Variants in UBE4B observed in about 807,000 individuals in gnomAD.
UBE4B encodes ubiquitin conjugation factor E4 B.
A neutral mutation model predicts 148.1 loss-of-function variants in UBE4B; 27 were observed. That is an observed-to-expected ratio of 0.18 (90% confidence interval 0.13 to 0.25). The LOEUF (loss-of-function observed/expected upper bound fraction) is 0.25, where lower values mean the gene tolerates loss of function less well. UBE4B is among the 10% of genes least tolerant of loss of function. The probability of loss-of-function intolerance (pLI) is 1.00; values close to 1 mark genes in which losing one functional copy is unlikely to be tolerated. For missense variants in UBE4B, 1,170 were observed against 1,662.4 expected, an observed-to-expected ratio of 0.70 and a Z score of 5.15; for synonymous variants, 596 against 619.3, an observed-to-expected ratio of 0.96 and a Z score of 0.56.
At chr1:10,136,920 C>CAAAT (rs372965293) in intron 16 of UBE4B, 147 bp from the exon 17 acceptor site, 14,391 of 972,428 alleles carry the variant, frequency 0.015, 158 homozygotes, top group Non-Finnish European at 0.018. Context: ...AAGTCCATCT[C>CAAAT]AAATAAATAA....
intron 7 of UBE4B, among the ~76,000 whole-genome samples, chr1:10,112,334 G>A (rs925986000): frequency 1.3e-5 from 2 of 152,200 alleles, no homozygotes; most frequent in Non-Finnish European, 2.9e-5. Context: ...AAAGCATCAT[G>A]AATTTTGTAC....
At chr1:10,074,243 TG>T (rs1207637796) in intron 2 of UBE4B, among the ~76,000 whole-genome samples, 1 of 152,136 alleles carries the variant, frequency 6.6e-6, no homozygotes, top group Non-Finnish European at 1.5e-5. Flanking sequence ...CTGCTGCTGT[TG>T]AAGCTTGGAC....
chr1:10,085,629 T>G (rs1644751993), intron 2 of UBE4B, among the ~76,000 whole-genome samples: 1 of 152,240 alleles, frequency 6.6e-6, no homozygotes, highest in Non-Finnish European at 1.5e-5. Flanking sequence ...TTTATAACTT[T>G]AATGCAACTG....
chr1:10,086,006 C>G (rs954586150), intron 2 of UBE4B, among the ~76,000 whole-genome samples: 1 of 151,798 alleles, frequency 6.6e-6, no homozygotes, highest in Non-Finnish European at 1.5e-5. Context: ...GAGTCTCGCT[C>G]TGTCTCCCAG....
chr1:10,131,547 A>G (rs1645593776), intron 14 of UBE4B, among the ~76,000 whole-genome samples: 1 of 151,762 alleles, frequency 6.6e-6, no homozygotes, highest in African/African-American at 2.4e-5. Context: ...TGATCATGGG[A>G]AAGAAGTAAC....
At position 10,135,066 on chromosome 1, in the gene UBE4B, A is replaced by C; in HGVS notation, c.2104A>C (p.Lys702Gln). Reference sequence around the variant, plus strand: ...ACTGCAGCAGCTAAGTACAAAAATCAAGTTAGAAACAGTTGATCCCACGTA... The same window carrying C: ...ACTGCAGCAGCTAAGTACAAAAATCCAGTTAGAAACAGTTGATCCCACGTA... ...WVLQQLSTKI[K>Q]LETVDPTYIF... is the part of the protein sequence containing the mutation. The change falls in exon 16 of 28, where the codon AAG (lysine) becomes CAG (glutamine). Residue 702 changes from lysine to glutamine, a missense_variant. Lys to Gln is a moderately conservative substitution (Grantham distance 53). Around this residue, in one of 6 missense-constraint regions of UBE4B, gnomAD observed 388 missense variants for 536.0 expected, o/e 0.72. Coordinates refer to ENST00000343090, the MANE Select transcript of UBE4B (RefSeq NM_001105562.3). The C allele has an allele frequency of 1.2e-6, 2 of 1,614,192 alleles. No homozygotes were observed. Among genetic ancestry groups the C allele is most frequent in the Non-Finnish European group, 1.7e-6 (2 of 1,180,036 alleles).
At chr1:10,059,602 G>A (rs1390805146) in intron 1 of UBE4B, 5 of 203,930 alleles carry the variant, frequency 2.5e-5, no homozygotes, top group African/African-American at 9.3e-5. Flanking sequence ...CCCAGGAGAC[G>A]AAGAGGCTGT....
At chr1:10,064,868 A>G (rs535129355) in intron 1 of UBE4B, among the ~76,000 whole-genome samples, 18 of 151,808 alleles carry the variant, frequency 1.2e-4, no homozygotes, top group Admixed American at 8.5e-4. Context: ...GGTTCAAGCA[A>G]TTCTCCTGCC....
chr1:10,096,067 G>C (rs1644924322), intron 3 of UBE4B, among the ~76,000 whole-genome samples: 1 of 152,108 alleles, frequency 6.6e-6, no homozygotes, highest in Non-Finnish European at 1.5e-5. Flanking sequence ...CACTGTGCGT[G>C]GCCCACTATA....
In UBE4B at chr1:10,161,682, C is replaced by G. The variant is rs943155018; in HGVS notation, c.3198+396C>G. On this transcript the variant is annotated intron_variant, in intron 23 of 27. Coordinates refer to ENST00000343090, the MANE Select transcript of UBE4B (RefSeq NM_001105562.3). This position sits in a 1 kb window ranked among gnomAD's most constrained non-coding sequence, Gnocchi z 4.1. ...TCTCTAGGCAACTGTGTGAATCACT[C>G]AGGATCCTGGCGGGGTGTTTTTTCC... is the stretch of plus-strand genomic sequence containing the variant. Among the ~76,000 whole-genome samples, 1 of 152,156 alleles carries G rather than the reference C, an allele frequency of 6.6e-6. No homozygotes were observed. Among genetic ancestry groups the G allele is most frequent in the Non-Finnish European group, 1.5e-5 (1 of 68,032 alleles).
intron 23 of UBE4B, among the ~76,000 whole-genome samples, chr1:10,165,287 A>G (rs868053416): frequency 4.6e-5 from 7 of 151,980 alleles, no homozygotes; most frequent in Non-Finnish European, 1.0e-4. Flanking sequence ...GTTGCTCTTG[A>G]TTTCTCTGCG....
chr1:10,058,156 T>G (rs947168947), intron 1 of UBE4B, among the ~76,000 whole-genome samples: 1 of 152,216 alleles, frequency 6.6e-6, no homozygotes, highest in African/African-American at 2.4e-5. Context: ...CTAGATACTT[T>G]AGGGTTTTGA....
chr1:10,167,131 C>CA (rs920967992), intron 23 of UBE4B, among the ~76,000 whole-genome samples: 20 of 145,740 alleles, frequency 1.4e-4, no homozygotes, highest in South Asian at 8.7e-4. Flanking sequence ...GACTCCATCT[C>CA]AAAAAAAAAT....
At chr1:10,172,694 G>T (rs779483619) in intron 25 of UBE4B, among the ~76,000 whole-genome samples, 1 of 152,052 alleles carries the variant, frequency 6.6e-6, no homozygotes, top group Non-Finnish European at 1.5e-5. Flanking sequence ...AAGCATTGTA[G>T]GTACTTTTTT....
chr1:10,142,628 G>A lies in UBE4B; in HGVS notation c.2364-2312G>A, dbSNP rs140250968. On this transcript the variant is annotated intron_variant, in intron 17 of 27. Coordinates refer to ENST00000343090, the MANE Select transcript of UBE4B (RefSeq NM_001105562.3). ...GGAGGTTGCAGTGAGCTGAGATTGCGCCACTGCACTCCAGCCTGGGAGACA... is the reference window on the plus strand; with the variant it reads ...GGAGGTTGCAGTGAGCTGAGATTGCACCACTGCACTCCAGCCTGGGAGACA... Among the ~76,000 whole-genome samples, 50 of 152,114 alleles carry A rather than the reference G, an allele frequency of 3.3e-4. 1 individual carries two copies. In the East Asian group the frequency reaches 7.5e-3, roughly 23 times the overall value.
At chr1:10,069,546 T>C (rs1252623572) in intron 1 of UBE4B, among the ~76,000 whole-genome samples, 1 of 152,166 alleles carries the variant, frequency 6.6e-6, no homozygotes, top group Non-Finnish European at 1.5e-5. Flanking sequence ...TTTTTTCTTA[T>C]TTTTTTGAGA....
At chr1:10,114,730 G>A (rs1282535482) in intron 7 of UBE4B, among the ~76,000 whole-genome samples, 1 of 152,102 alleles carries the variant, frequency 6.6e-6, no homozygotes, top group East Asian at 1.9e-4. Flanking sequence ...TGTACATGGT[G>A]GCGAGCGCCT....
At position 10,072,568 on chromosome 1, in the gene UBE4B, A is replaced by G. The variant is rs1205802838; in HGVS notation, c.211+354A>G. On this transcript the variant is annotated intron_variant, in intron 2 of 27. Coordinates refer to ENST00000343090, the MANE Select transcript of UBE4B (RefSeq NM_001105562.3). ...TAATCTGAAAATGCAAGATTAAAAT[A>G]ATGGTCAAAATGAACACCTCTAATT... The G allele has an allele frequency of 8.6e-6, 6 of 694,418 alleles. No individual in the cohort carries two copies. In the African/African-American group the frequency reaches 9.0e-5, roughly 10 times the overall value. The allele number at this position is 694,418 out of a possible 1,614,324, so 43.0% of individuals were successfully genotyped here.
chr1:10,120,144 G>T (rs1350766093), intron 9 of UBE4B, among the ~76,000 whole-genome samples: 2 of 152,058 alleles, frequency 1.3e-5, no homozygotes, highest in Non-Finnish European at 2.9e-5. Context: ...TTGCCTCTCA[G>T]TCTTCTAAAG....
Sources: allele counts gnomAD v4.1 joint callset (sites outside exome capture counted in the v4.1 genomes callset), GRCh38; gene constraint gnomAD v4.1.1; regional missense constraint gnomAD v4.1.1; non-coding constraint Gnocchi (gnomAD v3.1); transcripts MANE v1.5; gene names NCBI Gene and HGNC (gene_info 2026-07-23, HGNC 2026-07-21).